The following SHISA6 variants were observed in gnomAD, a reference collection of about 807,000 sequenced individuals.
SHISA6 encodes shisa family member 6.
In SHISA6, 22 loss-of-function variants were observed where a neutral mutation model predicts 47.9. The ratio of observed to expected loss-of-function variants is 0.46; its 90% CI spans 0.33 to 0.66. The LOEUF is 0.66. Ranked by LOEUF, SHISA6 falls within the 30% of genes least tolerant of loss-of-function variation. The pLI is 0.02. For synonymous variants in SHISA6, 388 were observed against 337.8 expected (o/e 1.15, Z -1.63); for missense variants, 680 against 764.6 (o/e 0.89, Z 1.30).
intron 2 of SHISA6, among the ~76,000 whole-genome samples, chr17:11,364,250 TAA>T (rs752922998): frequency 4.6e-5 from 7 of 152,206 alleles, no homozygotes; most frequent in Non-Finnish European, 8.8e-5. Flanking sequence ...CATCACCCCA[TAA>T]GTTTCCTTCA....
chr17:11,496,767 G>A (rs1030083951), intron 3 of SHISA6, among the ~76,000 whole-genome samples: 1 of 149,608 alleles, frequency 6.7e-6, no homozygotes, highest in Non-Finnish European at 1.5e-5. Flanking sequence ...AAAAAAGAAT[G>A]GGATAGAAGT....
chr17:11,249,250 T>C (rs1236391541), intron 1 of SHISA6, among the ~76,000 whole-genome samples: 1 of 152,052 alleles, frequency 6.6e-6, no homozygotes, highest in Non-Finnish European at 1.5e-5. Flanking sequence ...TTCAGCTCTG[T>C]GAGAGGCCAG....
chr17:11,316,380 G>T (rs1597454547), intron 2 of SHISA6, among the ~76,000 whole-genome samples: 10 of 103,026 alleles, frequency 9.7e-5, no homozygotes, highest in Admixed American at 4.4e-4. Context: ...ATTTCCATTA[G>T]TTCCATCCTT....
At chr17:11,250,503 G>T (rs2142136237) in intron 1 of SHISA6, among the ~76,000 whole-genome samples, 1 of 152,350 alleles carries the variant, frequency 6.6e-6, no homozygotes, top group African/African-American at 2.4e-5. Context: ...GGGGCAGGCT[G>T]AGTGTAAAGG....
intron 2 of SHISA6, among the ~76,000 whole-genome samples, chr17:11,296,500 T>C (rs1205353952): frequency 1.3e-5 from 2 of 152,098 alleles, no homozygotes; most frequent in African/African-American, 2.4e-5. Context: ...TGTTTGACTA[T>C]AGTGGTGCCA....
At chr17:11,298,578 T>A (rs1281302349) in intron 2 of SHISA6, among the ~76,000 whole-genome samples, 10 of 152,070 alleles carry the variant, frequency 6.6e-5, no homozygotes, top group Non-Finnish European at 1.2e-4. Flanking sequence ...AAGGAGGGTG[T>A]GATGGCCAGT....
intron 1 of SHISA6, among the ~76,000 whole-genome samples, chr17:11,255,624 A>C (rs1050812006): frequency 1.3e-5 from 2 of 152,184 alleles, no homozygotes; most frequent in Non-Finnish European, 2.9e-5. Context: ...TTCAGGGTTC[A>C]GCAGAAACGG....
At chr17:11,547,134 T>C (rs2071890066) in intron 3 of SHISA6, among the ~76,000 whole-genome samples, 1 of 152,194 alleles carries the variant, frequency 6.6e-6, no homozygotes, top group African/African-American at 2.4e-5. Context: ...TCACCCTCAG[T>C]CTTTGAGAGA....
At chr17:11,517,396 A>G (rs1308580678) in intron 3 of SHISA6, among the ~76,000 whole-genome samples, 1 of 152,220 alleles carries the variant, frequency 6.6e-6, no homozygotes, top group Non-Finnish European at 1.5e-5. Flanking sequence ...CTGTGGAGAT[A>G]TTTAACCTCT....
At chr17:11,524,589 C>T (rs1337795941) in intron 3 of SHISA6, among the ~76,000 whole-genome samples, 3 of 151,616 alleles carry the variant, frequency 2.0e-5, no homozygotes, top group Non-Finnish European at 2.9e-5. Context: ...CTCTGCCTCC[C>T]GGGTTCAAGC....
intron 4 of SHISA6, among the ~76,000 whole-genome samples, chr17:11,555,245 G>C (rs1272895326): frequency 6.6e-6 from 1 of 152,086 alleles, no homozygotes; most frequent in Non-Finnish European, 1.5e-5. Flanking sequence ...AGCATGGGTT[G>C]GGTCTCAGTG....
rs112435593 is a variant in SHISA6 at position 11,379,325 on chromosome 17, G to A, written c.800-89G>A. 1.8e-4 allele frequency: 151 copies of A among 858,150 alleles called. 1 individual carries two copies. In the African/African-American group the frequency reaches 2.0e-3, roughly 12 times the overall value. 53.2% of individuals were successfully genotyped at this position (858,150 alleles called of 1,614,324 possible). ...TAGCTGCTGGTTTGAAAACATGCAC[G>A]CCATCACTGTTGGGTGAGATGCAGC... On this transcript the variant is annotated intron_variant, in intron 2 of 5. Coordinates refer to ENST00000441885, the MANE Select transcript of SHISA6 (RefSeq NM_207386.4).
Position 11,558,378 on chromosome 17 carries a change from T to C in SHISA6, c.*74T>C. The C allele has an allele frequency of 7.0e-7, 1 of 1,438,326 alleles. No individual in the cohort carries two copies. Among genetic ancestry groups the C allele is most frequent in the Non-Finnish European group, 9.3e-7 (1 of 1,075,646 alleles). The allele number at this position is 1,438,326 out of a possible 1,614,324, so 89.1% of individuals were successfully genotyped here. On this transcript the variant is annotated 3_prime_UTR_variant, in exon 6 of 6. Transcript: ENST00000441885. ...GCCGGGAGGGGCCAGGAGCAGAGCT[T>C]CTAGCCTTGCCACTCTCCCTTCCCT...
At chr17:11,456,052 G>A (rs1277936526) in intron 3 of SHISA6, among the ~76,000 whole-genome samples, 1 of 152,186 alleles carries the variant, frequency 6.6e-6, no homozygotes, top group Non-Finnish European at 1.5e-5. Context: ...TTAGAAAGGC[G>A]CTTTGTAAAT....
chr17:11,520,705 C>T (rs560082498), intron 3 of SHISA6, among the ~76,000 whole-genome samples: 9 of 152,260 alleles, frequency 5.9e-5, no homozygotes, highest in South Asian at 2.1e-4. Context: ...GCTCCTCTAA[C>T]CCAATGTCCA....
intron 3 of SHISA6, among the ~76,000 whole-genome samples, chr17:11,438,812 G>A (rs1397290208): frequency 6.6e-6 from 1 of 152,222 alleles, no homozygotes; most frequent in African/African-American, 2.4e-5. Context: ...CAATGGGCTA[G>A]AGTATGACTC....
chr17:11,377,467 A>G (rs1260953347), intron 2 of SHISA6, among the ~76,000 whole-genome samples: 1 of 152,212 alleles, frequency 6.6e-6, no homozygotes, highest in African/African-American at 2.4e-5. Context: ...AAACAGCGGC[A>G]TCCGCATCAC....
rs143298593 is a variant in SHISA6, at chr17:11,307,266, G to A, written c.799+43740G>A. Among the ~76,000 whole-genome samples the A allele has an allele frequency of 3.1e-3, 470 of 151,576 alleles. 2 individuals carry two copies. Among genetic ancestry groups the A allele is most frequent in the African/African-American group, 0.011 (450 of 41,292 alleles). ...TACTCAAGAGATCTCCAAATGCAGT[G>A]GCTCTATTGAGATAACTGTTGCTTA... On this transcript the variant is annotated intron_variant, in intron 2 of 5. Transcript: ENST00000441885.
At chr17:11,490,039 T>C (rs1916436141) in intron 3 of SHISA6, among the ~76,000 whole-genome samples, 1 of 152,088 alleles carries the variant, frequency 6.6e-6, no homozygotes, top group Non-Finnish European at 1.5e-5. Context: ...AAATCAGTCA[T>C]TACCATTATT....
Sources: gnomAD v4.1 joint callset for allele counts (sites outside exome capture counted in the v4.1 genomes callset) on GRCh38, gnomAD v4.1.1 for gene constraint, MANE v1.5 for transcripts, NCBI Gene and HGNC (gene_info 2026-07-23, HGNC 2026-07-21) for gene names.